TBC1D23: variants seen among roughly 807,000 people sequenced by gnomAD.
The protein encoded by TBC1D23 is HCV non-structural protein 4A-transactivated protein 1.
A neutral mutation model predicts 91.4 loss-of-function variants in TBC1D23; 55 were observed. That is an observed-to-expected ratio of 0.60 (90% CI 0.48 to 0.75). TBC1D23 has a LOEUF of 0.75. Among genes scored for constraint, TBC1D23 ranks in the 30% least tolerant of loss-of-function variants. The pLI, the probability that TBC1D23 is intolerant of heterozygous loss-of-function variation, is 0.00. For synonymous variants in TBC1D23, 289 were observed against 281.0 expected (o/e 1.03, Z -0.28); for missense variants, 725 against 836.1 (o/e 0.87, Z 1.64).
intron 14 of TBC1D23, among the ~76,000 whole-genome samples, chr3:100,310,828 T>C (rs1323219173): frequency 6.6e-6 from 1 of 152,224 alleles, no homozygotes; most frequent in African/African-American, 2.4e-5. Flanking sequence ...ATATAGTAGC[T>C]GCTTCCCAAA....
rs144775614 is a variant in TBC1D23, at chr3:100,264,915, A to G, written c.53+3844A>G. ...TCCAGGTAACTGTGATTGTGATTCAATATATTTTGAGGTGGAACTTGAGAG... is the reference window on the plus strand; with the variant it reads ...TCCAGGTAACTGTGATTGTGATTCAGTATATTTTGAGGTGGAACTTGAGAG... On this transcript the variant is annotated intron_variant, in intron 1 of 18. Transcript: ENST00000394144. Among the ~76,000 whole-genome samples, 711 of 152,258 alleles carry G rather than the reference A, an allele frequency of 4.7e-3. 2 individuals carry two copies. The highest frequency in any genetic ancestry group is 6.4e-3 in the Non-Finnish European group (432 of 68,012).
chr3:100,261,960 T>G, intron 1 of TBC1D23, among the ~76,000 whole-genome samples: 1 of 152,218 alleles, frequency 6.6e-6, no homozygotes, highest in East Asian at 1.9e-4. Context: ...GTTCGTTATA[T>G]TGTATGTGTA....
intron 1 of TBC1D23, among the ~76,000 whole-genome samples, chr3:100,276,778 C>A (rs1450298932): frequency 6.6e-6 from 1 of 152,144 alleles, no homozygotes; most frequent in South Asian, 2.1e-4. Flanking sequence ...ATGACAGGAA[C>A]CTGTAGTATT....
At chr3:100,315,157 T>G (rs1224689247) in intron 15 of TBC1D23, among the ~76,000 whole-genome samples, 1 of 91,836 alleles carries the variant, frequency 1.1e-5, no homozygotes, top group Non-Finnish European at 2.4e-5. Context: ...GCAGATTCTT[T>G]TTTTTTTTTT....
At chr3:100,305,064 G>A (rs1380438741) in intron 12 of TBC1D23, among the ~76,000 whole-genome samples, 176 bp downstream of exon 12, 1 of 152,028 alleles carries the variant, frequency 6.6e-6, no homozygotes, top group East Asian at 1.9e-4. Context: ...AACGTAATAG[G>A]CAATTGAAAT....
intron 1 of TBC1D23, among the ~76,000 whole-genome samples, chr3:100,269,812 A>G (rs1213448592): frequency 6.6e-6 from 1 of 152,214 alleles, no homozygotes; most frequent in East Asian, 1.9e-4. Context: ...AGAAACCCCC[A>G]GAAATGTGGT....
At chr3:100,311,426 T>C (rs1346906568) in intron 14 of TBC1D23, among the ~76,000 whole-genome samples, 1 of 152,174 alleles carries the variant, frequency 6.6e-6, no homozygotes, top group Non-Finnish European at 1.5e-5. Flanking sequence ...TTGTACCTTA[T>C]CTAAAATGGT....
intron 3 of TBC1D23, among the ~76,000 whole-genome samples, chr3:100,283,233 G>T (rs1274862115): frequency 6.6e-6 from 1 of 152,104 alleles, no homozygotes; most frequent in Non-Finnish European, 1.5e-5. Context: ...ATTTAGTTGG[G>T]TGTGGTGGTG....
At chr3:100,322,158 A>G (rs1445453025) in intron 18 of TBC1D23, among the ~76,000 whole-genome samples, 4 of 152,136 alleles carry the variant, frequency 2.6e-5, no homozygotes, top group South Asian at 2.1e-4. Flanking sequence ...CAGTGTTGCA[A>G]TCACGGCTCA....
chr3:100,283,567 C>G, intron 3 of TBC1D23, 40 bp from the exon 4 acceptor site: 1 of 1,417,296 alleles, frequency 7.1e-7, no homozygotes, highest in South Asian at 1.2e-5. Context: ...CAGCCCCTGA[C>G]AGGCCCTCAG....
rs1174689237 is a variant in TBC1D23 at position 100,262,723 on chromosome 3, CAA to C, written c.53+1673_53+1674del. ...CCGGCGGCAGTGTGAGGCTCGGTCT[CAA>C]AAAAAAAAAAAAAAAAAAAACACTA... On this transcript the variant is annotated intron_variant, in intron 1 of 18. Coordinates refer to ENST00000394144, the MANE Select transcript of TBC1D23 (RefSeq NM_001199198.3). Among the ~76,000 whole-genome samples the C allele has an allele frequency of 6.4e-3, 329 of 51,370 alleles. 1 individual carries two copies. The highest frequency in any genetic ancestry group is 0.024 in the African/African-American group (328 of 13,442). 33.7% of individuals were successfully genotyped at this position (51,370 alleles called of 152,430 possible).
At chr3:100,274,080 T>C (rs954090277) in intron 1 of TBC1D23, among the ~76,000 whole-genome samples, 1 of 152,220 alleles carries the variant, frequency 6.6e-6, no homozygotes, top group African/African-American at 2.4e-5. Context: ...GGTTGGTTTT[T>C]AATTTTTTTA....
rs948091498 is a variant in TBC1D23 at position 100,270,360 on chromosome 3, G to T, written c.53+9289G>T. Among the ~76,000 whole-genome samples the T allele has an allele frequency of 2.6e-5, 4 of 152,238 alleles. No homozygotes were observed. The South Asian group carries it at 8.3e-4, about 32-fold the overall frequency. On this transcript the variant is annotated intron_variant, in intron 1 of 18. Transcript: ENST00000394144. ...GTCAAACTTTGCAGTGTATGTAAAG[G>T]GGACGAGAGCTGAGAAAGATGACTA...
chr3:100,294,225 T>C (rs1191913005), intron 5 of TBC1D23, among the ~76,000 whole-genome samples: 1 of 152,042 alleles, frequency 6.6e-6, no homozygotes, highest in African/African-American at 2.4e-5. Context: ...TCCTGAAATT[T>C]ATTGAAGGAT....
At chr3:100,261,220 C>A in intron 1 of TBC1D23, 149 bp downstream of exon 1, 3 of 707,608 alleles carry the variant, frequency 4.2e-6, no homozygotes, top group Non-Finnish European at 7.2e-6. Flanking sequence ...CCTCTGCCAG[C>A]TGGGTGCCCC....
Position 100,299,306 on chromosome 3 carries a change from C to G in TBC1D23, c.1067C>G (p.Thr356Ser). Reference sequence around the variant, plus strand: ...CAATATAATGCTGGGCATTTATCAACTGCTTTCCACTTAGATTCAGACCTG... The same window carrying G: ...CAATATAATGCTGGGCATTTATCAAGTGCTTTCCACTTAGATTCAGACCTG... ...AEQYNAGHLS[T>S]AFHLDSDLML... Residue 356 changes from threonine to serine, a missense_variant, in exon 10 of 19, where the codon ACT becomes AGT. Coordinates refer to ENST00000394144, the MANE Select transcript of TBC1D23 (RefSeq NM_001199198.3). 1 of 1,610,830 alleles carries G rather than the reference C, an allele frequency of 6.2e-7. No homozygotes were observed.
At chr3:100,288,603 A>G (rs1469903229) in intron 4 of TBC1D23, among the ~76,000 whole-genome samples, 2 of 152,220 alleles carry the variant, frequency 1.3e-5, no homozygotes, top group South Asian at 2.1e-4. Flanking sequence ...TGCTTATTAC[A>G]TTGTCTGGCA....
At chr3:100,288,011 G>A (rs1451511139) in intron 4 of TBC1D23, among the ~76,000 whole-genome samples, 2 of 151,976 alleles carry the variant, frequency 1.3e-5, no homozygotes, top group African/African-American at 4.8e-5. Flanking sequence ...GGAGGCCAGG[G>A]CAGGCAGATC....
At chr3:100,294,377 C>T (rs2067819679) in intron 5 of TBC1D23, among the ~76,000 whole-genome samples, 1 of 151,872 alleles carries the variant, frequency 6.6e-6, no homozygotes, top group African/African-American at 2.4e-5. Context: ...TCTCCTGCCT[C>T]AGCCTCCCAA....
Sources: gnomAD v4.1 joint callset for allele counts (sites outside exome capture counted in the v4.1 genomes callset) on GRCh38, gnomAD v4.1.1 for gene constraint, MANE v1.5 for transcripts, NCBI Gene and HGNC (gene_info 2026-07-23, HGNC 2026-07-21) for gene names.